Variants in PDSS2 observed in about 807,000 individuals in gnomAD.
The protein encoded by PDSS2 is all trans-polyprenyl-diphosphate synthase PDSS2.
In PDSS2, 31 loss-of-function variants were observed where a neutral mutation model predicts 44.5. The ratio of observed to expected loss-of-function variants is 0.70; its 90% CI spans 0.52 to 0.94. The LOEUF (loss-of-function observed/expected upper bound fraction) is 0.94, where lower values mean the gene tolerates loss of function less well. PDSS2 is among the 40% of genes least tolerant of loss of function. The pLI, the probability that PDSS2 is intolerant of heterozygous loss-of-function variation, is 0.00. For missense variants in PDSS2, 452 were observed against 482.2 expected, an observed-to-expected ratio of 0.94 and a Z score of 0.59; for synonymous variants, 157 against 180.3, an observed-to-expected ratio of 0.87 and a Z score of 1.03.
At chr6:107,406,216 G>A (rs560247167) in intron 1 of PDSS2, among the ~76,000 whole-genome samples, 1 of 152,040 alleles carries the variant, frequency 6.6e-6, no homozygotes, top group South Asian at 2.1e-4. Context: ...TCAAATGCAA[G>A]TAATAAAAGT....
intron 1 of PDSS2, among the ~76,000 whole-genome samples, chr6:107,359,147 A>T (rs377420488): frequency 2.1e-4 from 31 of 148,962 alleles, no homozygotes; most frequent in African/African-American, 7.7e-4. Flanking sequence ...AGTAGCTGGG[A>T]TTACAGGTGC....
chr6:107,250,185 C>G (rs1023769054), intron 3 of PDSS2, among the ~76,000 whole-genome samples: 2 of 151,316 alleles, frequency 1.3e-5, no homozygotes, highest in Non-Finnish European at 2.9e-5. Flanking sequence ...TACTGACCCC[C>G]CCCCGCAAAA....
chr6:107,341,314 T>C (rs567266886), intron 1 of PDSS2, among the ~76,000 whole-genome samples: 5 of 152,214 alleles, frequency 3.3e-5, no homozygotes, highest in African/African-American at 9.6e-5. Context: ...ACCTGTTTGC[T>C]GGAGGTGATA....
chr6:107,243,245 T>C (rs118047469), intron 4 of PDSS2, among the ~76,000 whole-genome samples: 4,327 of 152,338 alleles, frequency 0.028, 110 homozygotes, highest in Admixed American at 0.058. Flanking sequence ...CCATTTGTTA[T>C]GTTTGAATTT....
At chr6:107,315,141 C>A (rs73511166) in intron 2 of PDSS2, among the ~76,000 whole-genome samples, 3,018 of 152,032 alleles carry the variant, frequency 0.02, 104 homozygotes, top group African/African-American at 0.07. Flanking sequence ...AAAAGGATAA[C>A]CCATTTTTAA....
chr6:107,384,590 G>A (rs1469551327), intron 1 of PDSS2, among the ~76,000 whole-genome samples: 3 of 150,822 alleles, frequency 2.0e-5, no homozygotes, highest in Admixed American at 6.6e-5. Context: ...GCAGTGAGTC[G>A]AGATCACGCT....
intron 1 of PDSS2, among the ~76,000 whole-genome samples, chr6:107,447,850 G>A (rs1406623557): frequency 6.6e-6 from 1 of 152,230 alleles, no homozygotes; most frequent in East Asian, 1.9e-4. Flanking sequence ...CTCCACCTCT[G>A]CAGCAGACTT....
At chr6:107,302,192 C>T (rs1475031289) in intron 2 of PDSS2, among the ~76,000 whole-genome samples, 1 of 151,978 alleles carries the variant, frequency 6.6e-6, no homozygotes, top group Non-Finnish European at 1.5e-5. Context: ...AATAATTTAT[C>T]ATGCACGGTA....
intron 1 of PDSS2, among the ~76,000 whole-genome samples, chr6:107,402,571 G>GTA (rs919026606): frequency 1.1e-5 from 1 of 91,930 alleles, no homozygotes; most frequent in Non-Finnish European, 2.3e-5. Flanking sequence ...ATATACATGT[G>GTA]TATATATATG....
rs781908852 is a variant in PDSS2, at chr6:107,154,705, C to A, written c.1114G>T (p.Ala372Ser). ...GGAAAGCTCTCCAGGGCCTCCAGTG[C>A]CTTGTTTCCATGGTAACGACACAGG... ...IDLCRYHGNK[A>S]LEALESFPPS... Residue 372 changes from alanine (A) to serine (S), a missense_variant, in exon 8 of 8, where the codon GCA (alanine) becomes TCA (serine). Transcript: ENST00000369037. The A allele has an allele frequency of 6.2e-7, 1 of 1,614,050 alleles. No homozygotes were observed. The highest frequency in any genetic ancestry group is 8.5e-7 in the Non-Finnish European group (1 of 1,179,938).
chr6:107,196,255 G>A (rs566205974), intron 6 of PDSS2, among the ~76,000 whole-genome samples: 1 of 152,356 alleles, frequency 6.6e-6, no homozygotes, highest in Middle Eastern at 3.4e-3. Context: ...AACTTCTGCA[G>A]AAGTGGTAGG....
At chr6:107,344,665 A>G (rs901698255) in intron 1 of PDSS2, among the ~76,000 whole-genome samples, 3 of 152,158 alleles carry the variant, frequency 2.0e-5, no homozygotes, top group Admixed American at 1.3e-4. Context: ...GAGAAAGTAG[A>G]ATGGGGGTAG....
chr6:107,181,533 C>CAAA (rs199867474), intron 7 of PDSS2, among the ~76,000 whole-genome samples: 72 of 108,322 alleles, frequency 6.6e-4, no homozygotes, highest in Non-Finnish European at 8.7e-4. Flanking sequence ...ATCTCTGTCT[C>CAAA]AAAAAAAAAA....
chr6:107,218,265 AC>A (rs1773482906), intron 4 of PDSS2, among the ~76,000 whole-genome samples: 2 of 152,162 alleles, frequency 1.3e-5, no homozygotes, highest in Admixed American at 1.3e-4. Flanking sequence ...TGCCAGGGTG[AC>A]CTTTAAAAAC....
chr6:107,297,778 C>A (rs1776559026), intron 2 of PDSS2, among the ~76,000 whole-genome samples: 1 of 150,704 alleles, frequency 6.6e-6, no homozygotes, highest in Admixed American at 6.6e-5. Flanking sequence ...CAGAGTCTCA[C>A]TCTGTTGCCC....
chr6:107,209,582 T>TA (rs1491196398), intron 6 of PDSS2, among the ~76,000 whole-genome samples: 2 of 142,222 alleles, frequency 1.4e-5, no homozygotes, highest in East Asian at 4.0e-4. Context: ...TTTTTTTTTT[T>TA]AAATTTCAAA....
At chr6:107,236,134 A>T (rs775157994) in intron 4 of PDSS2, among the ~76,000 whole-genome samples, 2 of 152,226 alleles carry the variant, frequency 1.3e-5, no homozygotes, top group Admixed American at 1.3e-4. Context: ...AGCACATGAT[A>T]ATCTATTTAT....
intron 3 of PDSS2, among the ~76,000 whole-genome samples, chr6:107,246,012 T>G (rs1774601697): frequency 6.6e-6 from 1 of 152,186 alleles, no homozygotes; most frequent in African/African-American, 2.4e-5. Flanking sequence ...ACAATGTTAA[T>G]TTTCATACTT....
chr6:107,188,370 C>A (rs535560759), intron 7 of PDSS2, among the ~76,000 whole-genome samples: 1 of 149,690 alleles, frequency 6.7e-6, no homozygotes, highest in Admixed American at 6.7e-5. Context: ...CAGAGTGAGA[C>A]CCTGTCTCAA....
Sources: allele counts gnomAD v4.1 joint callset (sites outside exome capture counted in the v4.1 genomes callset), GRCh38; gene constraint gnomAD v4.1.1; transcripts MANE v1.5; gene names NCBI Gene and HGNC (gene_info 2026-07-23, HGNC 2026-07-21).